KLHL5: variants seen among roughly 807,000 people sequenced by gnomAD.
KLHL5 encodes kelch like family member 5, also known as kelch-like protein 5.
In KLHL5, 48 loss-of-function variants were observed where a neutral mutation model predicts 77.7. That is an observed-to-expected ratio of 0.62 (90% confidence interval 0.49 to 0.79). The LOEUF is 0.79. Among genes scored for constraint, KLHL5 ranks in the 30% least tolerant of loss-of-function variants. KLHL5 has a pLI of 0.00. For missense variants in KLHL5, 723 were observed against 859.7 expected (o/e 0.84, Z 1.99); for synonymous variants, 260 against 297.0 (o/e 0.88, Z 1.28).
intron 2 of KLHL5, among the ~76,000 whole-genome samples, chr4:39,080,510 A>C (rs1719512706): frequency 6.6e-6 from 1 of 151,802 alleles, no homozygotes; most frequent in Non-Finnish European, 1.5e-5. Flanking sequence ...TAGGAAACAG[A>C]ATGAGACTGT....
At chr4:39,143,086 A>C in the KLHL5 span, among the ~76,000 whole-genome samples, 1 of 152,152 alleles carries the variant, frequency 6.6e-6, no homozygotes, top group Non-Finnish European at 1.5e-5. Context: ...AATCTGATTA[A>C]ACTGTATGGA....
In KLHL5 at chr4:39,122,168, G is replaced by A. The variant is rs2109626891; in HGVS notation, c.*1102G>A. On this transcript the variant is annotated 3_prime_UTR_variant, in exon 11 of 11. Coordinates refer to ENST00000504108, the MANE Select transcript of KLHL5 (RefSeq NM_015990.5). Reference sequence around the variant, plus strand: ...TTGTTATTGTTTGCAAAAATGCACTGGGCAGTAACATTTTGTGATAAATCC... The same window carrying A: ...TTGTTATTGTTTGCAAAAATGCACTAGGCAGTAACATTTTGTGATAAATCC... The A allele has an allele frequency of 6.6e-6, 1 of 152,626 alleles. No individual in the cohort carries two copies. The highest frequency in any genetic ancestry group is 3.4e-3 in the Middle Eastern group (1 of 294). 9.5% of individuals were successfully genotyped at this position (152,626 alleles called of 1,614,324 possible).
At chr4:39,093,267 T>C in intron 5 of KLHL5, 1 of 426,472 alleles carries the variant, frequency 2.3e-6, no homozygotes, top group Admixed American at 2.6e-5. Context: ...GTCTCCATAT[T>C]GTATGATTCT....
At chr4:39,120,044 G>A (rs1723106801) in intron 10 of KLHL5, 1 of 151,810 alleles carries the variant, frequency 6.6e-6, no homozygotes, top group Non-Finnish European at 1.5e-5. Context: ...TGGTCTAGGG[G>A]GTCGAACTGA....
chr4:39,105,366 C>G (rs1163888843), intron 7 of KLHL5, among the ~76,000 whole-genome samples: 1 of 151,892 alleles, frequency 6.6e-6, no homozygotes, highest in Non-Finnish European at 1.5e-5. Context: ...AGGCTGATCT[C>G]AAACTCCTGG....
the KLHL5 span, among the ~76,000 whole-genome samples, chr4:39,137,258 A>G: frequency 2.6e-5 from 4 of 152,220 alleles, no homozygotes; most frequent in African/African-American, 7.2e-5. Context: ...ATACAGACCA[A>G]CAGATATTCC....
downstream of KLHL5, among the ~76,000 whole-genome samples, chr4:39,131,706 T>C (rs1379863484): frequency 6.6e-6 from 1 of 151,794 alleles, no homozygotes; most frequent in Non-Finnish European, 1.5e-5. Context: ...TGGGGCAACA[T>C]AGTGACATCT....
At chr4:39,096,057 A>C (rs1410316412) in intron 5 of KLHL5, among the ~76,000 whole-genome samples, 1 of 151,968 alleles carries the variant, frequency 6.6e-6, no homozygotes, top group Admixed American at 6.6e-5. Flanking sequence ...TGTTTTATTT[A>C]ATTTCCAATG....
intron 6 of KLHL5, among the ~76,000 whole-genome samples, chr4:39,097,647 A>G (rs1721184093): frequency 6.6e-6 from 1 of 152,228 alleles, no homozygotes; most frequent in Non-Finnish European, 1.5e-5. Flanking sequence ...ATCTGTCTAT[A>G]GTATTCAAAA....
chr4:39,057,185 A>T lies in KLHL5; in HGVS notation c.-94-5374A>T, dbSNP rs981839076. Among the ~76,000 whole-genome samples, 7 of 152,316 alleles carry T rather than the reference A, an allele frequency of 4.6e-5. No homozygotes were observed. The South Asian group carries it at 8.3e-4, about 18-fold the overall frequency. On this transcript the variant is annotated intron_variant, in intron 1 of 11. Coordinates refer to the KLHL5 transcript ENST00000261425. ...CTTTCAAGTCAAGAGCTGTGCCATTAATTTATTCATTTTTTAAAATTTAAA... is the reference window on the plus strand; with the variant it reads ...CTTTCAAGTCAAGAGCTGTGCCATTTATTTATTCATTTTTTAAAATTTAAA...
downstream of KLHL5, among the ~76,000 whole-genome samples, chr4:39,129,121 G>A (rs984901966): frequency 2.7e-4 from 40 of 150,332 alleles, no homozygotes; most frequent in Admixed American, 4.6e-4. This position sits in a 1 kb window ranked among gnomAD's most constrained non-coding sequence, Gnocchi z 4.2. Flanking sequence ...TTAACTAAGC[G>A]GTCTATTTTC....
Position 39,062,901 on chromosome 4 carries a change from A to G in KLHL5, c.249A>G (p.Pro83=), listed in dbSNP as rs1288957028. The G allele has an allele frequency of 1.2e-6, 2 of 1,614,176 alleles. No homozygotes were observed. Among genetic ancestry groups the G allele is most frequent in the East Asian group, 4.5e-5 (2 of 44,884 alleles). The change falls in exon 1 of 11, where the codon CCA becomes CCG. Residue 83 remains proline, a synonymous_variant. Transcript: ENST00000504108. ...ATTTTCAGAATTCACCTTCTTGGCCAATGGCATCCACCTCTGAAGTCCCTG... is the reference window on the plus strand; with the variant it reads ...ATTTTCAGAATTCACCTTCTTGGCCGATGGCATCCACCTCTGAAGTCCCTG... ...QLDFQNSPSW[P]MASTSEVPAF... is the part of the protein sequence containing the mutation.
intron 1 of KLHL5, among the ~76,000 whole-genome samples, chr4:39,054,534 A>T (rs1386315940): frequency 6.6e-6 from 1 of 152,148 alleles, no homozygotes; most frequent in African/African-American, 2.4e-5. Context: ...CCTGACCGTT[A>T]CTCAATACTT....
At chr4:39,096,594 A>G in intron 5 of KLHL5, 98 bp from the exon 6 acceptor site, 1 of 813,854 alleles carries the variant, frequency 1.2e-6, no homozygotes, top group Non-Finnish European at 1.9e-6. Context: ...GAATTTTTTA[A>G]AAATATGTAA....
intron 1 of KLHL5, among the ~76,000 whole-genome samples, chr4:39,066,232 T>C (rs557300716): frequency 2.0e-5 from 3 of 152,322 alleles, no homozygotes; most frequent in Non-Finnish European, 4.4e-5. Context: ...TCACCTTTTA[T>C]GTGAGCAATA....
chr4:39,047,775 A>AT (rs1350298613), intron 1 of KLHL5, among the ~76,000 whole-genome samples: 12 of 152,194 alleles, frequency 7.9e-5, no homozygotes, highest in African/African-American at 2.9e-4. Flanking sequence ...TGGGATTGAC[A>AT]TTTTTTATCA....
chr4:39,109,716 A>T (rs1439765367), intron 8 of KLHL5, among the ~76,000 whole-genome samples: 5 of 149,680 alleles, frequency 3.3e-5, no homozygotes, highest in Non-Finnish European at 7.4e-5. Context: ...GCAGTGGGCA[A>T]TCTCAGCTCA....
chr4:39,077,507 T>G (rs769747120), intron 2 of KLHL5, among the ~76,000 whole-genome samples: 1 of 151,252 alleles, frequency 6.6e-6, no homozygotes, highest in Non-Finnish European at 1.5e-5. Context: ...ATCAGGGAGA[T>G]GCAAGTCAGA....
intron 6 of KLHL5, among the ~76,000 whole-genome samples, 158 bp from the exon 7 acceptor site, chr4:39,103,127 CAG>C (rs1473436844): frequency 6.6e-6 from 1 of 152,072 alleles, no homozygotes; most frequent in Non-Finnish European, 1.5e-5. Context: ...GATGAGGACA[CAG>C]AGGTAGGCAG....
Sources: gnomAD v4.1 joint callset for allele counts (sites outside exome capture counted in the v4.1 genomes callset) on GRCh38, gnomAD v4.1.1 for gene constraint, Gnocchi (gnomAD v3.1) non-coding constraint, MANE v1.5 for transcripts, NCBI Gene and HGNC (gene_info 2026-07-23, HGNC 2026-07-21) for gene names.